The following NTRK2 variants were observed in gnomAD, a reference collection of about 807,000 sequenced individuals.
The protein encoded by NTRK2 is neurotrophic receptor tyrosine kinase 2.
In NTRK2, 13 loss-of-function variants were observed where a neutral mutation model predicts 94.5. That is an observed-to-expected ratio of 0.14 (90% CI 0.09 to 0.22). The LOEUF (loss-of-function observed/expected upper bound fraction) is 0.22, where lower values mean the gene tolerates loss of function less well. NTRK2 is among the 10% of genes least tolerant of loss of function. NTRK2 has a pLI of 1.00. For synonymous variants in NTRK2, 372 were observed against 407.4 expected, an observed-to-expected ratio of 0.91 and a Z score of 1.05; for missense variants, 639 against 1,071.2, an observed-to-expected ratio of 0.60 and a Z score of 5.63.
intron 12 of NTRK2, among the ~76,000 whole-genome samples, chr9:84,802,329 T>C (rs982461776): frequency 7.9e-5 from 12 of 152,180 alleles, no homozygotes; most frequent in African/African-American, 2.7e-4. Context: ...ATTTATGCCC[T>C]TTACAATCCA....
intron 5 of NTRK2, among the ~76,000 whole-genome samples, chr9:84,709,379 A>G (rs2131813616): frequency 6.6e-6 from 1 of 152,326 alleles, no homozygotes; most frequent in African/African-American, 2.4e-5. Context: ...ATGTACTCAG[A>G]GCTCCAGGAA....
At chr9:84,983,154 C>CT in intron 17 of NTRK2, among the ~76,000 whole-genome samples, 1 of 152,298 alleles carries the variant, frequency 6.6e-6, no homozygotes, top group African/African-American at 2.4e-5. Context: ...ACTACTTGCT[C>CT]TTTAACAGCG....
At chr9:84,845,247 GTA>G (rs1178241853) in intron 12 of NTRK2, among the ~76,000 whole-genome samples, 3 of 98,866 alleles carry the variant, frequency 3.0e-5, no homozygotes, top group East Asian at 4.7e-4. Context: ...AAAATGTGGT[GTA>G]TACACACACA....
At chr9:84,898,084 T>G (rs900549333) in intron 14 of NTRK2, among the ~76,000 whole-genome samples, 3 of 151,916 alleles carry the variant, frequency 2.0e-5, no homozygotes, top group Non-Finnish European at 2.9e-5. Flanking sequence ...CTATGATATC[T>G]GTAGTTGGCT....
At chr9:84,765,714 A>G (rs1010422251) in intron 12 of NTRK2, among the ~76,000 whole-genome samples, 2 of 152,126 alleles carry the variant, frequency 1.3e-5, no homozygotes, top group East Asian at 3.8e-4. Flanking sequence ...GGGTAATGCT[A>G]TGTTTCTCAA....
intron 15 of NTRK2, among the ~76,000 whole-genome samples, chr9:84,946,955 G>T (rs539260502): frequency 6.6e-6 from 1 of 151,914 alleles, no homozygotes; most frequent in East Asian, 1.9e-4. Context: ...CTCTCTCTTT[G>T]CTTTTATTTA....
At chr9:84,840,340 G>A (rs113318306) in intron 12 of NTRK2, among the ~76,000 whole-genome samples, 111 of 144,062 alleles carry the variant, frequency 7.7e-4, no homozygotes, top group African/African-American at 2.7e-3. Flanking sequence ...TTGATTCTGT[G>A]GTCGCTGGTT....
At chr9:84,875,578 T>A in intron 14 of NTRK2, 1 of 1,062,620 alleles carries the variant, frequency 9.4e-7, no homozygotes, top group Non-Finnish European at 1.1e-6. Context: ...GTATGCTGGA[T>A]CTTAAAGGGC....
rs1832654975 is a variant in NTRK2, at chr9:85,020,124, G to A, written c.2173-82G>A. ...AAACTATAAAGTGCAAATAAGGAAA[G>A]CAAACAGTGTCCCCCAGCAGCTCCC... On this transcript the variant is annotated intron_variant, in intron 17 of 18. Coordinates refer to ENST00000277120, the MANE Select transcript of NTRK2 (RefSeq NM_006180.6). The A allele has an allele frequency of 1.4e-5, 20 of 1,459,368 alleles. No homozygotes were observed. The South Asian group carries it at 2.2e-4, about 16-fold the overall frequency. The allele number at this position is 1,459,368 out of a possible 1,614,324, so 90.4% of individuals were successfully genotyped here.
At chr9:84,770,619 C>T (rs2066457765) in intron 12 of NTRK2, among the ~76,000 whole-genome samples, 1 of 152,172 alleles carries the variant, frequency 6.6e-6, no homozygotes, top group African/African-American at 2.4e-5. Context: ...TTCTGTCTCT[C>T]ATTTGCTAAT....
intron 17 of NTRK2, among the ~76,000 whole-genome samples, chr9:84,960,307 C>T (rs960184881): frequency 3.3e-5 from 5 of 152,094 alleles, no homozygotes; most frequent in African/African-American, 1.2e-4. Flanking sequence ...ATTTTAGCAC[C>T]TTTCACCTTA....
chr9:84,720,776 C>G (rs2062009721), intron 6 of NTRK2, among the ~76,000 whole-genome samples: 1 of 151,660 alleles, frequency 6.6e-6, no homozygotes, highest in African/African-American at 2.4e-5. Context: ...ATCCATGGAA[C>G]AAGAAGAGGG....
chr9:84,739,514 G>A (rs1198630464), intron 9 of NTRK2, among the ~76,000 whole-genome samples: 3 of 152,180 alleles, frequency 2.0e-5, no homozygotes, highest in African/African-American at 7.2e-5. Context: ...GTTCTGCAAC[G>A]TGGCAGATTA....
intron 17 of NTRK2, among the ~76,000 whole-genome samples, chr9:84,989,307 G>A (rs1165779807): frequency 6.6e-6 from 1 of 151,910 alleles, no homozygotes; most frequent in Admixed American, 6.6e-5. Flanking sequence ...TATGTTCTTT[G>A]CTTCTTAAAA....
chr9:84,826,268 T>C (rs1481171796), intron 12 of NTRK2, among the ~76,000 whole-genome samples: 1 of 152,168 alleles, frequency 6.6e-6, no homozygotes, highest in Admixed American at 6.5e-5. Context: ...CCAGGGGCAA[T>C]TATCGGCATC....
intron 14 of NTRK2, among the ~76,000 whole-genome samples, chr9:84,879,604 C>G (rs1442090466): frequency 6.6e-6 from 1 of 152,136 alleles, no homozygotes; most frequent in Non-Finnish European, 1.5e-5. Context: ...AAAAGTGAGG[C>G]TCAGAAAAGT....
chr9:84,882,450 C>T (rs2076281813), intron 14 of NTRK2, among the ~76,000 whole-genome samples: 1 of 152,216 alleles, frequency 6.6e-6, no homozygotes, highest in Non-Finnish European at 1.5e-5. Context: ...CCCTTGGCCA[C>T]TGCCAAGGGC....
intron 12 of NTRK2, among the ~76,000 whole-genome samples, chr9:84,819,325 A>G (rs961229515): frequency 6.6e-6 from 1 of 152,234 alleles, no homozygotes; most frequent in Non-Finnish European, 1.5e-5. Flanking sequence ...TTTCACCTCA[A>G]GCCCCTTGAG....
At chr9:84,841,250 A>G (rs549374164) in intron 12 of NTRK2, among the ~76,000 whole-genome samples, 12 of 152,312 alleles carry the variant, frequency 7.9e-5, no homozygotes, top group African/African-American at 2.9e-4. Context: ...CCAGGTGAGC[A>G]TCTTACACTT....
Sources: gnomAD v4.1 joint callset for allele counts (sites outside exome capture counted in the v4.1 genomes callset) on GRCh38, gnomAD v4.1.1 for gene constraint, MANE v1.5 for transcripts, NCBI Gene and HGNC (gene_info 2026-07-23, HGNC 2026-07-21) for gene names.